The following EPB41 variants were observed in gnomAD, a reference collection of about 807,000 sequenced individuals.
The protein encoded by EPB41 is erythrocyte membrane protein band 4.1, also known as protein 4.1.
A neutral mutation model predicts 108.0 loss-of-function variants in EPB41; 65 were observed. The observed-to-expected ratio is 0.60, with a 90% CI of 0.49 to 0.74. The LOEUF (loss-of-function observed/expected upper bound fraction) is 0.74, where lower values mean the gene tolerates loss of function less well. Ranked by LOEUF, EPB41 falls within the 30% of genes least tolerant of loss-of-function variation. EPB41 has a pLI of 0.00. For synonymous variants in EPB41, 336 were observed against 358.9 expected, an observed-to-expected ratio of 0.94 and a Z score of 0.72; for missense variants, 875 against 1,037.0, an observed-to-expected ratio of 0.84 and a Z score of 2.15.
intron 7 of EPB41, among the ~76,000 whole-genome samples, chr1:29,020,611 G>A (rs1030427084): frequency 9.9e-5 from 15 of 151,776 alleles, no homozygotes; most frequent in Admixed American, 7.2e-4. Flanking sequence ...GAGCTGAACC[G>A]CAGAAAATGA....
intron 7 of EPB41, among the ~76,000 whole-genome samples, chr1:29,023,451 G>A (rs2096672824): frequency 1.3e-5 from 2 of 151,740 alleles, no homozygotes; most frequent in African/African-American, 4.9e-5. Context: ...ACTTTGGGGG[G>A]CCAAGGCAGC....
chr1:29,115,309 C>G lies in EPB41; in HGVS notation c.2497-390C>G, dbSNP rs1223692387. Among the ~76,000 whole-genome samples, 1 of 152,158 alleles carries G rather than the reference C, an allele frequency of 6.6e-6. No homozygotes were observed. The highest frequency in any genetic ancestry group is 2.1e-4 in the South Asian group (1 of 4,832). ...TCAGGAGGCTGAAGCAGGAGAACTG[C>G]TTGAACCTGGGAGGCGGAGGTTGCA... On this transcript the variant is annotated intron_variant, in intron 19 of 20. Coordinates refer to ENST00000343067, the MANE Select transcript of EPB41 (RefSeq NM_001376013.1). This position sits in a 1 kb window ranked among gnomAD's most constrained non-coding sequence, Gnocchi z 4.4.
At chr1:29,014,743 A>G (rs1409961067) in intron 5 of EPB41, among the ~76,000 whole-genome samples, 66 of 152,218 alleles carry the variant, frequency 4.3e-4, no homozygotes. Context: ...CTGAATGTAT[A>G]TAGACACACA....
At chr1:29,034,978 T>G (rs1442326774) in intron 9 of EPB41, among the ~76,000 whole-genome samples, 62 of 105,894 alleles carry the variant, frequency 5.9e-4, no homozygotes, top group Admixed American at 2.4e-3. Context: ...TTGTTGTTTT[T>G]TTTTTTTTTT....
intron 16 of EPB41, among the ~76,000 whole-genome samples, chr1:29,074,283 A>T (rs1031591625): frequency 2.0e-5 from 3 of 152,220 alleles, no homozygotes; most frequent in Admixed American, 6.5e-5. Context: ...AAACTATAGC[A>T]TTCTCTGCAG....
At chr1:29,000,999 A>G (rs1472054716) in intron 4 of EPB41, among the ~76,000 whole-genome samples, 2 of 152,174 alleles carry the variant, frequency 1.3e-5, no homozygotes, top group Non-Finnish European at 2.9e-5. Flanking sequence ...TTAAAGGGTC[A>G]GTACAGTAGC....
At chr1:28,905,283 G>A (rs2091702537) in intron 1 of EPB41, among the ~76,000 whole-genome samples, 1 of 151,960 alleles carries the variant, frequency 6.6e-6, no homozygotes, top group Non-Finnish European at 1.5e-5. Flanking sequence ...GATCACTTGA[G>A]GTTGGGAGTT....
At chr1:29,058,199 T>C (rs1645886213) in intron 12 of EPB41, among the ~76,000 whole-genome samples, 1 of 152,226 alleles carries the variant, frequency 6.6e-6, no homozygotes, top group African/African-American at 2.4e-5. Context: ...TAAATGTTAT[T>C]TAAAGTATTT....
rs998485019 is a variant in EPB41, at chr1:28,887,600, T to G, written c.-8+390T>G. 6.1e-6 allele frequency: 6 copies of G among 985,024 alleles called. No homozygotes were observed. The highest frequency in any genetic ancestry group is 6.0e-6 in the Non-Finnish European group (5 of 829,770). The allele number at this position is 985,024 out of a possible 1,614,324, so 61.0% of individuals were successfully genotyped here. The stretch of plus-strand genomic sequence containing the variant: ...TAGCCCCGCCTTGCCCGGCCCCGCA[T>G]GCTCCTGCCGGGCCCGCAGCAGCGC... On this transcript the variant is annotated intron_variant, in intron 1 of 16. Coordinates refer to the EPB41 transcript ENST00000347529. The surrounding 1 kb of genome is among the most constrained non-coding windows in gnomAD (Gnocchi z 4.9).
intron 1 of EPB41, among the ~76,000 whole-genome samples, chr1:28,909,247 G>T (rs2092085577): frequency 6.6e-6 from 1 of 151,102 alleles, no homozygotes; most frequent in Admixed American, 6.6e-5. Context: ...GTTCACATTT[G>T]ATCATTTTTA....
At chr1:29,094,209 A>G (rs1041274341) in intron 16 of EPB41, among the ~76,000 whole-genome samples, 1 of 151,718 alleles carries the variant, frequency 6.6e-6, no homozygotes, top group South Asian at 2.1e-4. Flanking sequence ...TCTGTTTCAT[A>G]TGTCCATTTT....
chr1:28,912,836 C>T (rs1253187074), upstream of EPB41, among the ~76,000 whole-genome samples: 14 of 151,960 alleles, frequency 9.2e-5, no homozygotes, highest in East Asian at 1.9e-4. Flanking sequence ...AGGCTGGTCT[C>T]GAACTCCTGA....
At chr1:28,898,560 G>A (rs148226747) in intron 1 of EPB41, among the ~76,000 whole-genome samples, 4 of 152,334 alleles carry the variant, frequency 2.6e-5, no homozygotes, top group Admixed American at 2.0e-4. Context: ...CCCATAAACA[G>A]GAGCTAATTA....
At chr1:29,053,004 C>T (rs1644786347) in intron 11 of EPB41, 100 bp from the exon 12 acceptor site, 3 of 1,249,684 alleles carry the variant, frequency 2.4e-6, no homozygotes, top group South Asian at 1.3e-5. Context: ...CTCTAACATT[C>T]GTGTGTATCC....
At chr1:28,915,777 T>C (rs2092609029) in intron 1 of EPB41, among the ~76,000 whole-genome samples, 1 of 147,078 alleles carries the variant, frequency 6.8e-6, no homozygotes, top group Middle Eastern at 3.5e-3. Context: ...TCACAGCTGC[T>C]ATTTTCTTCC....
chr1:28,894,133 G>A (rs1421829923), intron 1 of EPB41, among the ~76,000 whole-genome samples: 9 of 152,142 alleles, frequency 5.9e-5, no homozygotes, highest in African/African-American at 1.9e-4. Flanking sequence ...TCAGTTTCAC[G>A]TCTGCAAAAT....
In EPB41 at chr1:28,887,562, C is replaced by A. The variant is rs1476420363; in HGVS notation, c.-8+352C>A. ...AGAGTCCCTGCAGGTCGGCGCAGCC[C>A]CCGGCCGCCCCCTAGCCCCGCCTTG... On this transcript the variant is annotated intron_variant, in intron 1 of 16. Transcript: ENST00000347529. This position sits in a 1 kb window ranked among gnomAD's most constrained non-coding sequence, Gnocchi z 4.9. The A allele has an allele frequency of 3.0e-6, 3 of 985,204 alleles. No individual in the cohort carries two copies. In the African/African-American group the frequency reaches 5.2e-5, roughly 17 times the overall value. 61.0% of individuals were successfully genotyped at this position (985,204 alleles called of 1,614,324 possible).
chr1:28,959,593 G>T (rs919758171), intron 1 of EPB41, among the ~76,000 whole-genome samples: 18 of 152,152 alleles, frequency 1.2e-4, no homozygotes, highest in African/African-American at 4.3e-4. Context: ...GTTTGGAAGA[G>T]AAAACATTTA....
intron 2 of EPB41, among the ~76,000 whole-genome samples, chr1:28,988,720 C>G (rs1440297448): frequency 1.3e-5 from 2 of 152,050 alleles, no homozygotes; most frequent in Non-Finnish European, 2.9e-5. Flanking sequence ...TAAACAGTTA[C>G]TTACACTTTA....
Sources: allele counts gnomAD v4.1 joint callset (sites outside exome capture counted in the v4.1 genomes callset), GRCh38; gene constraint gnomAD v4.1.1; non-coding constraint Gnocchi (gnomAD v3.1); transcripts MANE v1.5; gene names NCBI Gene and HGNC (gene_info 2026-07-23, HGNC 2026-07-21).